KCNMB2: variants seen among roughly 807,000 people sequenced by gnomAD.
KCNMB2 encodes potassium calcium-activated channel subfamily M regulatory beta subunit 2, also known as calcium-activated potassium channel subunit beta-2.
A neutral mutation model predicts 24.5 loss-of-function variants in KCNMB2; 9 were observed. The observed-to-expected ratio is 0.37, with a 90% CI of 0.22 to 0.64. The LOEUF is 0.64. Among genes scored for constraint, KCNMB2 ranks in the 30% least tolerant of loss-of-function variants. KCNMB2 has a pLI of 0.63. For synonymous variants in KCNMB2, 109 were observed against 104.4 expected (o/e 1.04, Z -0.27); for missense variants, 226 against 284.3 (o/e 0.79, Z 1.47).
intron 1 of KCNMB2, among the ~76,000 whole-genome samples, chr3:178,672,470 T>C (rs1347753836): frequency 1.3e-5 from 2 of 152,208 alleles, no homozygotes; most frequent in Admixed American, 6.5e-5. Flanking sequence ...AAGGTTCCTA[T>C]GACTAATAGT....
At chr3:178,751,688 G>T (rs115884885) in intron 1 of KCNMB2, among the ~76,000 whole-genome samples, 1 of 151,592 alleles carries the variant, frequency 6.6e-6, no homozygotes, top group East Asian at 1.9e-4. Context: ...ATAGGGAAGA[G>T]GGAAATGTTT....
At chr3:178,799,771 A>C (rs1713704601) in intron 1 of KCNMB2, among the ~76,000 whole-genome samples, 1 of 152,188 alleles carries the variant, frequency 6.6e-6, no homozygotes, top group Non-Finnish European at 1.5e-5. Context: ...ATCTGACATC[A>C]AATTATGCCA....
At chr3:178,746,163 T>C (rs1723658872) in intron 1 of KCNMB2, among the ~76,000 whole-genome samples, 2 of 152,230 alleles carry the variant, frequency 1.3e-5, no homozygotes, top group South Asian at 4.1e-4. Flanking sequence ...AGCAAACTTC[T>C]GCCTGGACAC....
chr3:178,713,383 T>C (rs1722515256), intron 1 of KCNMB2, among the ~76,000 whole-genome samples: 1 of 152,196 alleles, frequency 6.6e-6, no homozygotes, highest in Non-Finnish European at 1.5e-5. Flanking sequence ...ACATGAATGT[T>C]TAATGGGCAG....
chr3:178,540,197 T>C (rs1715570238), intron 1 of KCNMB2, among the ~76,000 whole-genome samples: 1 of 152,212 alleles, frequency 6.6e-6, no homozygotes, highest in Non-Finnish European at 1.5e-5. Flanking sequence ...TCTGTGATCC[T>C]CTCTTTCTTT....
At chr3:178,796,728 A>G (rs1430242327) in intron 1 of KCNMB2, among the ~76,000 whole-genome samples, 1 of 152,098 alleles carries the variant, frequency 6.6e-6, no homozygotes, top group Non-Finnish European at 1.5e-5. Context: ...ACATAGCAAA[A>G]CCTATGGGAT....
chr3:178,711,907 A>G (rs1393829546), intron 1 of KCNMB2, among the ~76,000 whole-genome samples: 1 of 152,162 alleles, frequency 6.6e-6, no homozygotes, highest in Non-Finnish European at 1.5e-5. Flanking sequence ...GGAAAGTGTA[A>G]AATGCTGCGT....
chr3:178,544,818 TTTTA>T, intron 1 of KCNMB2, among the ~76,000 whole-genome samples: 2 of 152,190 alleles, frequency 1.3e-5, no homozygotes, highest in Non-Finnish European at 2.9e-5. Flanking sequence ...AAAGTCTAAT[TTTTA>T]GCCAGATAAT....
chr3:178,641,393 C>A (rs529401223), intron 1 of KCNMB2, among the ~76,000 whole-genome samples: 1 of 152,198 alleles, frequency 6.6e-6, no homozygotes, highest in Non-Finnish European at 1.5e-5. Context: ...AGAACCCACA[C>A]ATATTTTGTC....
chr3:178,641,673 A>G (rs759452180), intron 1 of KCNMB2, among the ~76,000 whole-genome samples: 5 of 151,910 alleles, frequency 3.3e-5, no homozygotes, highest in Non-Finnish European at 5.9e-5. Context: ...TTTTTACCTT[A>G]CTGCAGTAGT....
chr3:178,553,833 C>A (rs1716038281), intron 1 of KCNMB2, among the ~76,000 whole-genome samples: 1 of 152,200 alleles, frequency 6.6e-6, no homozygotes, highest in African/African-American at 2.4e-5. Context: ...AGCCACCGCA[C>A]CCAGCCAGAG....
At chr3:178,627,425 C>T (rs1270523903) in intron 1 of KCNMB2, among the ~76,000 whole-genome samples, 1 of 152,134 alleles carries the variant, frequency 6.6e-6, no homozygotes, top group African/African-American at 2.4e-5. Context: ...TCCAGAGCCT[C>T]ATTATAAGAC....
chr3:178,772,313 G>T (rs367761992), intron 1 of KCNMB2, among the ~76,000 whole-genome samples: 1 of 152,254 alleles, frequency 6.6e-6, no homozygotes, highest in East Asian at 1.9e-4. Context: ...GATATGGTTT[G>T]GCTGTGTCCC....
chr3:178,620,245 T>TA (rs1380403275), intron 1 of KCNMB2, among the ~76,000 whole-genome samples: 1 of 88,560 alleles, frequency 1.1e-5, no homozygotes, highest in Non-Finnish European at 2.1e-5. Context: ...TATTCATACA[T>TA]ACAACTAGAA....
intron 1 of KCNMB2, among the ~76,000 whole-genome samples, chr3:178,673,146 T>C (rs1206847187): frequency 6.6e-6 from 1 of 152,126 alleles, no homozygotes; most frequent in East Asian, 1.9e-4. Context: ...TTGCCCCTCT[T>C]ATACTTCATT....
intron 1 of KCNMB2, among the ~76,000 whole-genome samples, chr3:178,611,709 A>AAAAC (rs939774233): frequency 1.8e-3 from 267 of 152,178 alleles, no homozygotes; most frequent in African/African-American, 5.7e-3. Flanking sequence ...TGTCTCACAA[A>AAAAC]AAACAAACAA....
intron 1 of KCNMB2, among the ~76,000 whole-genome samples, chr3:178,757,770 C>A (rs1331321598): frequency 2.1e-5 from 2 of 96,872 alleles, no homozygotes; most frequent in Non-Finnish European, 4.1e-5. Context: ...ATATATATAT[C>A]CAAGAGGATA....
intron 1 of KCNMB2, among the ~76,000 whole-genome samples, chr3:178,757,793 T>A (rs1236229272): frequency 1.3e-5 from 1 of 74,880 alleles, no homozygotes; most frequent in African/African-American, 6.3e-5. Flanking sequence ...TATACATATA[T>A]CTTATATCCA....
At chr3:178,834,683 T>C (rs928421689) in intron 4 of KCNMB2, among the ~76,000 whole-genome samples, 1 of 152,154 alleles carries the variant, frequency 6.6e-6, no homozygotes, top group African/African-American at 2.4e-5. Context: ...GAATATGCCC[T>C]GAAATTTGGC....
Sources: allele counts gnomAD v4.1 joint callset (sites outside exome capture counted in the v4.1 genomes callset), GRCh38; gene constraint gnomAD v4.1.1; transcripts MANE v1.5; gene names NCBI Gene and HGNC (gene_info 2026-07-23, HGNC 2026-07-21).